Variants in CNTNAP2 observed in about 807,000 individuals in gnomAD.
The protein encoded by CNTNAP2 is contactin associated protein 2.
In CNTNAP2, 98 loss-of-function variants were observed where a neutral mutation model predicts 155.2. The observed-to-expected ratio is 0.63, with a 90% CI of 0.54 to 0.75. The LOEUF (loss-of-function observed/expected upper bound fraction) is 0.75. Ranked by LOEUF, CNTNAP2 falls within the 30% of genes least tolerant of loss-of-function variation. The pLI is 0.00. For synonymous variants in CNTNAP2, 651 were observed against 631.2 expected, an observed-to-expected ratio of 1.03 and a Z score of -0.47; for missense variants, 1,727 against 1,688.1, an observed-to-expected ratio of 1.02 and a Z score of -0.40.
chr7:147,315,221 TATC>T (rs1204578792), intron 9 of CNTNAP2, among the ~76,000 whole-genome samples: 1 of 150,898 alleles, frequency 6.6e-6, no homozygotes, highest in Non-Finnish European at 1.5e-5. Context: ...CTTTTTTTCT[TATC>T]ATTTTATTGG....
At chr7:148,352,957 T>C (rs1215888232) in intron 21 of CNTNAP2, among the ~76,000 whole-genome samples, 1 of 152,214 alleles carries the variant, frequency 6.6e-6, no homozygotes, top group African/African-American at 2.4e-5. Flanking sequence ...AGTTACCTTG[T>C]CTTCCAAACA....
intron 11 of CNTNAP2, among the ~76,000 whole-genome samples, chr7:147,546,835 C>T (rs926255613): frequency 1.3e-5 from 2 of 152,152 alleles, no homozygotes; most frequent in African/African-American, 4.8e-5. Flanking sequence ...TTCTCATCCC[C>T]TTTGTTCGAG....
At position 148,415,556 on chromosome 7, in the gene CNTNAP2, GAAC is replaced by G. The variant is rs1799965605; in HGVS notation, c.3940_3942del (p.Asn1314del). ...CAGAGAGCGCGGACGCCGCCATCAT[GAAC>G]AACGACCCCAACTTCACAGAGACCA... On this transcript the variant is annotated inframe_deletion, in exon 24 of 24. Transcript: ENST00000361727. The G allele has an allele frequency of 1.2e-6, 2 of 1,614,220 alleles. No homozygotes were observed. The highest frequency in any genetic ancestry group is 1.3e-5 in the African/African-American group (1 of 75,060).
At chr7:147,627,253 A>G (rs1334934804) in intron 12 of CNTNAP2, among the ~76,000 whole-genome samples, 1 of 152,200 alleles carries the variant, frequency 6.6e-6, no homozygotes, top group Non-Finnish European at 1.5e-5. Context: ...ATGTAACAAA[A>G]CAAGGTTCTA....
chr7:146,970,401 G>A (rs1273319133), intron 3 of CNTNAP2, among the ~76,000 whole-genome samples: 3 of 151,958 alleles, frequency 2.0e-5, no homozygotes, highest in Non-Finnish European at 4.4e-5. Context: ...GTGGGCAAAG[G>A]ACATGAACAG....
At chr7:147,720,987 T>C (rs1259648670) in intron 13 of CNTNAP2, among the ~76,000 whole-genome samples, 6 of 152,098 alleles carry the variant, frequency 3.9e-5, no homozygotes, top group East Asian at 3.9e-4. Context: ...TTCCCAAATA[T>C]GTTGAATTAA....
intron 13 of CNTNAP2, among the ~76,000 whole-genome samples, chr7:147,716,985 G>A (rs1796488716): frequency 6.6e-6 from 1 of 152,024 alleles, no homozygotes. Context: ...CAAGTAGATT[G>A]GGAGCTACAT....
chr7:148,115,822 C>G (rs553390399), intron 15 of CNTNAP2, among the ~76,000 whole-genome samples: 1 of 152,074 alleles, frequency 6.6e-6, no homozygotes, highest in East Asian at 1.9e-4. Context: ...CTACTGAAAT[C>G]TATGATTTTA....
chr7:147,239,651 T>G (rs1038696457), intron 8 of CNTNAP2, among the ~76,000 whole-genome samples: 4 of 152,186 alleles, frequency 2.6e-5, no homozygotes, highest in Admixed American at 6.5e-5. Context: ...CAGTACAGTT[T>G]AAGGAATCTT....
intron 1 of CNTNAP2, among the ~76,000 whole-genome samples, chr7:146,469,043 T>C (rs1281949319): frequency 6.6e-6 from 1 of 152,204 alleles, no homozygotes; most frequent in African/African-American, 2.4e-5. Flanking sequence ...AATTGATAAG[T>C]TAGGACAATT....
chr7:146,911,331 A>G (rs1796271099), intron 3 of CNTNAP2, among the ~76,000 whole-genome samples: 1 of 152,116 alleles, frequency 6.6e-6, no homozygotes, highest in African/African-American at 2.4e-5. Flanking sequence ...ACTATAAATC[A>G]TGCTGCTATA....
intron 3 of CNTNAP2, among the ~76,000 whole-genome samples, chr7:146,984,183 C>A (rs1475486206): frequency 1.3e-5 from 2 of 151,930 alleles, no homozygotes; most frequent in African/African-American, 4.8e-5. Flanking sequence ...GCCTGATCAA[C>A]ATGAAGAAAC....
At chr7:147,074,375 A>C (rs1335621839) in intron 4 of CNTNAP2, among the ~76,000 whole-genome samples, 1 of 152,024 alleles carries the variant, frequency 6.6e-6, no homozygotes, top group East Asian at 1.9e-4. Flanking sequence ...ATTTCCTCAC[A>C]TCTGCATATG....
chr7:146,264,207 G>A (rs749882010), intron 1 of CNTNAP2, among the ~76,000 whole-genome samples: 27 of 152,080 alleles, frequency 1.8e-4, no homozygotes, highest in Non-Finnish European at 3.4e-4. Context: ...ACTTTGGGAG[G>A]CCGAGGTGGG....
At chr7:146,603,240 G>A (rs896228567) in intron 1 of CNTNAP2, among the ~76,000 whole-genome samples, 4 of 151,046 alleles carry the variant, frequency 2.6e-5, no homozygotes, top group South Asian at 2.1e-4. Context: ...GTGAAACCCC[G>A]TCTCTACTAA....
intron 21 of CNTNAP2, among the ~76,000 whole-genome samples, chr7:148,380,186 G>A (rs188112678): frequency 1.3e-5 from 2 of 152,208 alleles, no homozygotes; most frequent in Admixed American, 6.5e-5. Context: ...CCTTACCCAA[G>A]ACACCTCCAG....
At chr7:147,657,307 GA>G (rs1563041394) in intron 13 of CNTNAP2, among the ~76,000 whole-genome samples, 1 of 151,954 alleles carries the variant, frequency 6.6e-6, no homozygotes, top group Non-Finnish European at 1.5e-5. Flanking sequence ...GACAGAGGCA[GA>G]AAAAAATAAA....
chr7:148,053,995 C>T (rs1482976392), intron 15 of CNTNAP2, among the ~76,000 whole-genome samples: 2 of 127,798 alleles, frequency 1.6e-5, no homozygotes, highest in Non-Finnish European at 3.2e-5. Context: ...TTTTTCAAGA[C>T]AGAGTCTAGC....
At chr7:146,307,785 A>C (rs1800742168) in intron 1 of CNTNAP2, among the ~76,000 whole-genome samples, 1 of 152,178 alleles carries the variant, frequency 6.6e-6, no homozygotes, top group African/African-American at 2.4e-5. Context: ...ATATGTAGAA[A>C]GCTGAAACTG....
Sources: allele counts gnomAD v4.1 joint callset (sites outside exome capture counted in the v4.1 genomes callset), GRCh38; gene constraint gnomAD v4.1.1; transcripts MANE v1.5; gene names NCBI Gene and HGNC (gene_info 2026-07-23, HGNC 2026-07-21).